The following PRAME variants were observed in gnomAD, a reference collection of about 807,000 sequenced individuals.
PRAME encodes the protein melanoma antigen preferentially expressed in tumors.
In PRAME, 21 loss-of-function variants were observed where a neutral mutation model predicts 32.1. The ratio of observed to expected loss-of-function variants is 0.65; its 90% CI spans 0.46 to 0.94. The LOEUF is 0.94. Among genes scored for constraint, PRAME ranks in the 40% least tolerant of loss-of-function variants. The probability of loss-of-function intolerance (pLI) is 0.00; values close to 1 mark genes in which losing one functional copy is unlikely to be tolerated. For synonymous variants in PRAME, 274 were observed against 251.5 expected (o/e 1.09, Z -0.85); for missense variants, 651 against 622.3 (o/e 1.05, Z -0.49).
chr22:22,555,803 T>C lies in PRAME; in HGVS notation c.21+1009A>G, dbSNP rs146266617. On this transcript the variant is annotated intron_variant, in intron 3 of 5. Transcript: ENST00000405655. Reference sequence around the variant, plus strand: ...GGCACCCAAGGATGAGGCAGTGCAATCTTGTTGCTCACTTCCCAGGACCGA... The same window carrying C: ...GGCACCCAAGGATGAGGCAGTGCAACCTTGTTGCTCACTTCCCAGGACCGA... 1.3e-3 allele frequency: 583 copies of C among 456,992 alleles called. 6 individuals carry two copies. Among genetic ancestry groups the C allele is most frequent in the African/African-American group, 3.8e-3 (187 of 49,862 alleles). 28.3% of individuals were successfully genotyped at this position (456,992 alleles called of 1,614,324 possible). A position where few individuals can be genotyped will look rare whatever the true frequency, so the allele number is the denominator to read the frequency against.
At chr22:22,556,714 G>A (rs2062947309) in intron 3 of PRAME, 98 bp downstream of exon 3, 3 of 1,434,012 alleles carry the variant, frequency 2.1e-6, no homozygotes, top group African/African-American at 1.4e-5. Flanking sequence ...TCTACTGTGA[G>A]GGACCTCAGG....
At position 22,549,983 on chromosome 22, in the gene PRAME, C is replaced by T; in HGVS notation, c.696G>A (p.Leu232=). ...TCACTTCCAAATCTTCAATAGAGTC[C>T]AGCTGCACCATTTTCAGGATCATCT... ...DIKMILKMVQ[L]DSIEDLEVTC... is the part of the protein sequence containing the mutation. Residue 232 remains leucine, a synonymous_variant, in exon 5 of 6, where the codon CTG becomes CTA. Coordinates refer to ENST00000405655, the MANE Select transcript of PRAME (RefSeq NM_206956.3). The T allele has an allele frequency of 2.5e-6, 4 of 1,613,862 alleles. No individual in the cohort carries two copies. Among genetic ancestry groups the T allele is most frequent in the South Asian group, 1.1e-5 (1 of 91,066 alleles).
Position 22,549,733 on chromosome 22 carries a change from A to C in PRAME, c.946T>G (p.Leu316Val). The part of the protein sequence containing the change: ...LFFLRGRLDQ[L>V]LRHVMNPLET... ...AATCTCACCATCCCTCACCTGAGCA[A>C]CTGATCCAGGCGGCCTCTAAGGAAA... Residue 316 changes from leucine (L) to valine (V), a missense_variant, in exon 5 of 6, where the codon TTG (leucine) becomes GTG (valine). Physicochemically the swap from Leu to Val is conservative, Grantham distance 32. Coordinates refer to ENST00000405655, the MANE Select transcript of PRAME (RefSeq NM_206956.3). 2 of 1,599,938 alleles carry C rather than the reference A, an allele frequency of 1.3e-6. No individual in the cohort carries two copies. The highest frequency in any genetic ancestry group is 1.7e-6 in the Non-Finnish European group (2 of 1,174,908).
Position 22,554,344 on chromosome 22 carries a change from G to A in PRAME, c.21+2468C>T, listed in dbSNP as rs114207638. 2,208 of 733,532 alleles carry A rather than the reference G, an allele frequency of 3.0e-3. 39 individuals are homozygous for A. The African/African-American group carries it at 0.04, about 13-fold the overall frequency. The allele number at this position is 733,532 out of a possible 1,614,324, so 45.4% of individuals were successfully genotyped here. A position where few individuals can be genotyped will look rare whatever the true frequency, so the allele number is the denominator to read the frequency against. Reference sequence around the variant, plus strand: ...GGCCTGCGTAAGGAGGCTGTAATTCGTTGAAGGATGTTTTCCATTTTGGTT... The same window carrying A: ...GGCCTGCGTAAGGAGGCTGTAATTCATTGAAGGATGTTTTCCATTTTGGTT... On this transcript the variant is annotated intron_variant, in intron 3 of 5. Coordinates refer to ENST00000405655, the MANE Select transcript of PRAME (RefSeq NM_206956.3).
At chr22:22,553,351 G>T (rs887653460) in intron 3 of PRAME, among the ~76,000 whole-genome samples, 10 of 151,904 alleles carry the variant, frequency 6.6e-5, no homozygotes, top group Non-Finnish European at 1.5e-5. Flanking sequence ...AAGGAAGGTG[G>T]GTCAAAATTA....
chr22:22,550,295 A>G lies in PRAME; in HGVS notation c.384T>C (p.Ser128=). 1.9e-6 allele frequency: 3 copies of G among 1,613,324 alleles called. No homozygotes were observed. Among genetic ancestry groups the G allele is most frequent in the Non-Finnish European group, 2.5e-6 (3 of 1,179,846 alleles). The change falls in exon 5 of 6, where the codon TCT becomes TCC. Residue 128 remains serine, a synonymous_variant. Coordinates refer to ENST00000405655, the MANE Select transcript of PRAME (RefSeq NM_206956.3). ...KLQVLDLRKN[S]HQDFWTVWSG... ...ACCATACAGTCCAGAAGTCCTGATG[A>G]GAGTTCTTCCGTAAATCCAGCACTT...
chr22:22,550,661 C>T lies in PRAME; in HGVS notation c.344+106G>A, dbSNP rs1317501239. ...CCTCCCTGAACTTCCTTGCTGGCAA[C>T]CATCAGAGCCTCTGGCCCAGCCTTA... On this transcript the variant is annotated intron_variant, in intron 4 of 5. Coordinates refer to ENST00000405655, the MANE Select transcript of PRAME (RefSeq NM_206956.3). The T allele has an allele frequency of 2.0e-5, 26 of 1,301,566 alleles. 1 individual carries two copies. In the East Asian group the frequency reaches 5.6e-4, roughly 28 times the overall value. 80.6% of individuals were successfully genotyped at this position (1,301,566 alleles called of 1,614,324 possible).
intron 3 of PRAME, chr22:22,554,295 T>A: frequency 1.0e-6 from 1 of 972,152 alleles, no homozygotes; most frequent in South Asian, 4.8e-5. Context: ...CTGGAATGTC[T>A]TGCGGCCTGA....
At chr22:22,553,933 A>C in intron 3 of PRAME, 1 of 985,134 alleles carries the variant, frequency 1.0e-6, no homozygotes, top group African/African-American at 1.7e-5. Flanking sequence ...CCCCTTCCTA[A>C]GTATTACTAA....
At chr22:22,554,830 C>A (rs1309267899) in intron 3 of PRAME, among the ~76,000 whole-genome samples, 2 of 151,874 alleles carry the variant, frequency 1.3e-5, no homozygotes, top group African/African-American at 4.8e-5. Context: ...CTGAGTAAGT[C>A]CAACAGTTAG....
At chr22:22,554,775 G>T (rs534286883) in intron 3 of PRAME, among the ~76,000 whole-genome samples, 2 of 152,076 alleles carry the variant, frequency 1.3e-5, no homozygotes, top group South Asian at 2.1e-4. Flanking sequence ...CTAAGTGTTA[G>T]AAAGGGCTGA....
intron 3 of PRAME, among the ~76,000 whole-genome samples, chr22:22,556,114 C>G (rs1320147269): frequency 6.6e-6 from 1 of 151,490 alleles, no homozygotes; most frequent in African/African-American, 2.4e-5. Context: ...CTGCTCCTGT[C>G]TCAGCCTCCC....
rs748539756 is a variant in PRAME at position 22,549,745 on chromosome 22, G to A, written c.934C>T (p.Arg312Cys). 110 of 1,606,092 alleles carry A rather than the reference G, an allele frequency of 6.8e-5. No homozygotes were observed. The highest frequency in any genetic ancestry group is 3.9e-4 in the Admixed American group (23 of 58,588). ...YVDSLFFLRG[R>C]LDQLLRHVMN... ...CCTCACCTGAGCAACTGATCCAGGCGGCCTCTAAGGAAAAATAAAGAGTCC... is the reference window on the plus strand; with the variant it reads ...CCTCACCTGAGCAACTGATCCAGGCAGCCTCTAAGGAAAAATAAAGAGTCC... Residue 312 changes from arginine to cysteine, a missense_variant, in exon 5 of 6, where the codon CGC becomes TGC. Physicochemically the swap from Arg to Cys is radical, Grantham distance 180. Transcript: ENST00000405655.
rs1468490814 is a variant in PRAME, at chr22:22,548,404, A to C, written c.1193T>G (p.Leu398Arg). The C allele has an allele frequency of 6.2e-7, 1 of 1,613,470 alleles. No homozygotes were observed. The highest frequency in any genetic ancestry group is 8.5e-7 in the Non-Finnish European group (1 of 1,179,914). The change falls in exon 6 of 6, where the codon CTC becomes CGC. Residue 398 changes from leucine (L) to arginine (R), a missense_variant. Transcript: ENST00000405655. Reference protein sequence around the residue: ...CGITDDQLLALLPSLSHCSQL... With the variant: ...CGITDDQLLARLPSLSHCSQL... ...GGAGCAGTGGCTCAGGGAAGGCAGG[A>C]GGGCAAGGAGCTGATCATCCGTGAT...
Position 22,550,262 on chromosome 22 carries a change from G to C in PRAME, c.417C>G (p.Asn139Lys). The change falls in exon 5 of 6, where the codon AAC (asparagine) becomes AAG (lysine). Residue 139 changes from asparagine (N) to lysine (K), a missense_variant. Transcript: ENST00000405655. ...HQDFWTVWSG[N>K]RASLYSFPEP... is the part of the protein sequence containing the mutation. ...CTGGAAATGAGTACAGACTGGCCCTGTTTCCAGACCATACAGTCCAGAAGT... is the reference window on the plus strand; with the variant it reads ...CTGGAAATGAGTACAGACTGGCCCTCTTTCCAGACCATACAGTCCAGAAGT... 1 of 1,613,802 alleles carries C rather than the reference G, an allele frequency of 6.2e-7. No individual in the cohort carries two copies. Among genetic ancestry groups the C allele is most frequent in the Non-Finnish European group, 8.5e-7 (1 of 1,179,960 alleles).
chr22:22,548,380 G>T lies in PRAME; in HGVS notation c.1217C>A (p.Ser406Tyr). Residue 406 changes from serine (S) to tyrosine (Y), a missense_variant, in exon 6 of 6, where the codon TCC becomes TAC. Transcript: ENST00000405655. ...LALLPSLSHC[S>Y]QLTTLSFYGN... is the part of the protein sequence containing the mutation. ...GTAGAAGCTTAAGGTCGTAAGCTGG[G>T]AGCAGTGGCTCAGGGAAGGCAGGAG... 2.5e-6 allele frequency: 4 copies of T among 1,613,482 alleles called. No individual in the cohort carries two copies. Among genetic ancestry groups the T allele is most frequent in the Non-Finnish European group, 3.4e-6 (4 of 1,179,954 alleles).
rs190277605 is a variant in PRAME, at chr22:22,552,817, G to T, written c.22-1728C>A. On this transcript the variant is annotated intron_variant, in intron 3 of 5. Coordinates refer to ENST00000405655, the MANE Select transcript of PRAME (RefSeq NM_206956.3). Reference sequence around the variant, plus strand: ...TGAGGCTCCCGACTCACCAGACCCAGCTGTGGTGCAGAAGCCATCTGCCCA... The same window carrying T: ...TGAGGCTCCCGACTCACCAGACCCATCTGTGGTGCAGAAGCCATCTGCCCA... 193 of 470,688 alleles carry T rather than the reference G, an allele frequency of 4.1e-4. 2 individuals are homozygous for T. Among genetic ancestry groups the T allele is most frequent in the African/African-American group, 3.3e-3 (167 of 50,142 alleles). The allele number at this position is 470,688 out of a possible 1,614,324, so 29.2% of individuals were successfully genotyped here.
In PRAME at chr22:22,547,891, C is replaced by G. The variant is rs1301471899; in HGVS notation, c.*176G>C. On this transcript the variant is annotated 3_prime_UTR_variant, in exon 6 of 6. Transcript: ENST00000405655. ...TCAACATCTGCCTACCCCCAACTTCCCCTTTTTTTCCTCACTGAACATTTG... is the reference window on the plus strand; with the variant it reads ...TCAACATCTGCCTACCCCCAACTTCGCCTTTTTTTCCTCACTGAACATTTG... 1 of 710,060 alleles carries G rather than the reference C, an allele frequency of 1.4e-6. No individual in the cohort carries two copies. The highest frequency in any genetic ancestry group is 1.8e-5 in the African/African-American group (1 of 56,464). The allele number at this position is 710,060 out of a possible 1,614,324, so 44.0% of individuals were successfully genotyped here. A position where few individuals can be genotyped will look rare whatever the true frequency, so the allele number is the denominator to read the frequency against.
rs1318567047 is a variant in PRAME at position 22,550,831 on chromosome 22, G to A, written c.280C>T (p.Leu94=). The A allele has an allele frequency of 1.9e-6, 3 of 1,612,690 alleles. No individual in the cohort carries two copies. Among genetic ancestry groups the A allele is most frequent in the South Asian group, 1.1e-5 (1 of 91,030 alleles). The change falls in exon 4 of 6, where the codon CTG becomes TTG. Residue 94 remains leucine (L), a synonymous_variant. Transcript: ENST00000405655. Reference sequence around the variant, plus strand: ...TCAAGCACAGCTTTGAAGGTCTCCAGGTGAAGATGTTGTCCCTTCATCAGC... The same window carrying A: ...TCAAGCACAGCTTTGAAGGTCTCCAAGTGAAGATGTTGTCCCTTCATCAGC... ...GVLMKGQHLH[L]ETFKAVLDGL...
Sources: gnomAD v4.1 joint callset for allele counts (sites outside exome capture counted in the v4.1 genomes callset) on GRCh38, gnomAD v4.1.1 for gene constraint, MANE v1.5 for transcripts, NCBI Gene and HGNC (gene_info 2026-07-23, HGNC 2026-07-21) for gene names.